The following KIAA0753 variants were observed in gnomAD, a reference collection of about 807,000 sequenced individuals.
KIAA0753 encodes the protein KIAA0753.
KIAA0753 carries 114 observed loss-of-function variants against 116.9 expected under a neutral mutation model. The observed-to-expected ratio is 0.98, with a 90% CI of 0.84 to 1.14. The LOEUF is 1.14. Ranked by LOEUF, KIAA0753 falls within the 50% of genes most tolerant of loss-of-function variation. The pLI, the probability that KIAA0753 is intolerant of heterozygous loss-of-function variation, is 0.00. For synonymous variants in KIAA0753, 405 were observed against 413.1 expected, an observed-to-expected ratio of 0.98 and a Z score of 0.24; for missense variants, 1,156 against 1,172.4, an observed-to-expected ratio of 0.99 and a Z score of 0.20.
intron 7 of KIAA0753, among the ~76,000 whole-genome samples, chr17:6,620,421 CAT>C (rs141663097): frequency 1.3e-5 from 2 of 148,348 alleles, no homozygotes; most frequent in South Asian, 2.1e-4. Context: ...AAAAAAAATA[CAT>C]ATATATATAT....
intron 1 of KIAA0753, 70 bp from the exon 2 acceptor site, chr17:6,635,241 C>T: frequency 1.6e-6 from 1 of 621,444 alleles, no homozygotes; most frequent in South Asian, 2.1e-5. Context: ...AAACACAGTG[C>T]CATGTGCATG....
At position 6,611,955 on chromosome 17, in the gene KIAA0753, A is replaced by G. The variant is rs375398204; in HGVS notation, c.1509T>C (p.Phe503=). Residue 503 remains phenylalanine (F), a synonymous_variant, in exon 8 of 19, where the codon TTT becomes TTC. Transcript: ENST00000361413. ...CTGGCGCCAGAGTATCTTTCTTCCTAAACGGCACATTCTCAGTCACAGGCT... is the reference window on the plus strand; with the variant it reads ...CTGGCGCCAGAGTATCTTTCTTCCTGAACGGCACATTCTCAGTCACAGGCT... ...KKKPVTENVP[F]RKKDTLAPAR... 1.2e-6 allele frequency: 2 copies of G among 1,614,124 alleles called. No individual in the cohort carries two copies. Among genetic ancestry groups the G allele is most frequent in the Non-Finnish European group, 1.7e-6 (2 of 1,180,024 alleles).
In KIAA0753 at chr17:6,622,992, G is replaced by A. The variant is rs767110752; in HGVS notation, c.994C>T (p.Arg332Trp). 1.1e-5 allele frequency: 18 copies of A among 1,614,030 alleles called. No individual in the cohort carries two copies. The highest frequency in any genetic ancestry group is 4.0e-5 in the African/African-American group (3 of 74,928). Residue 332 changes from arginine (R) to tryptophan (W), a missense_variant, in exon 6 of 19, where the codon CGG (arginine) becomes TGG (tryptophan). Transcript: ENST00000361413. The part of the protein sequence containing the change: ...TDRGEHPLPA[R>W]CKELGSLIRQ... ...ATAAGGCTGCCCAGTTCCTTACACCGAGCAGGAAGTGGATGCTCCCCTCGG... is the reference window on the plus strand; with the variant it reads ...ATAAGGCTGCCCAGTTCCTTACACCAAGCAGGAAGTGGATGCTCCCCTCGG...
chr17:6,624,610 T>A, intron 4 of KIAA0753, 145 bp downstream of exon 4: 1 of 591,918 alleles, frequency 1.7e-6, no homozygotes, highest in Non-Finnish European at 3.0e-6. Context: ...TGCCCATGTG[T>A]TCAGGTAATT....
Position 6,622,908 on chromosome 17 carries a change from C to A in KIAA0753, c.1078G>T (p.Val360Phe). ...LDADPSVPDV[V>F]IDILQQIEAL... ...TCAATTTGTTGCAGAATATCTATAA[C>A]CACATCAGGAACAGAAGGGTCTGCA... is the stretch of plus-strand genomic sequence containing the variant. The change falls in exon 6 of 19, where the codon GTT (valine) becomes TTT (phenylalanine). Residue 360 changes from valine (V) to phenylalanine (F), a missense_variant. Coordinates refer to ENST00000361413, the MANE Select transcript of KIAA0753 (RefSeq NM_014804.3). 6.2e-7 allele frequency: 1 copy of A among 1,614,008 alleles called. No individual in the cohort carries two copies. Among genetic ancestry groups the A allele is most frequent in the South Asian group, 1.1e-5 (1 of 91,076 alleles).
At chr17:6,629,136 C>T (rs1011516605) in intron 2 of KIAA0753, among the ~76,000 whole-genome samples, 3 of 152,176 alleles carry the variant, frequency 2.0e-5, no homozygotes, top group East Asian at 1.9e-4. Context: ...ATTTGCTCCA[C>T]GGATAGATCC....
chr17:6,584,766 T>C (rs1479935342), intron 18 of KIAA0753, among the ~76,000 whole-genome samples: 1 of 152,222 alleles, frequency 6.6e-6, no homozygotes, highest in African/African-American at 2.4e-5. Flanking sequence ...TTTATGTACA[T>C]CTTGCATTGG....
intron 7 of KIAA0753, among the ~76,000 whole-genome samples, chr17:6,620,033 T>A (rs1971196819): frequency 6.6e-6 from 1 of 152,206 alleles, no homozygotes; most frequent in Non-Finnish European, 1.5e-5. Flanking sequence ...CAAAATGCAG[T>A]ATCCTAACAT....
chr17:6,595,057 TAA>T lies in KIAA0753; in HGVS notation c.2359-6_2359-5del. On this transcript the variant is annotated splice_region_variant and splice_polypyrimidine_tract_variant and intron_variant, in intron 15 of 18. Transcript: ENST00000361413. ...GACGAACAGACTCCTGGTATTTCTT[TAA>T]AAAAAAAGAAAAAAGTTTAATTTAT... The T allele has an allele frequency of 6.5e-7, 1 of 1,534,630 alleles. No individual in the cohort carries two copies. Among genetic ancestry groups the T allele is most frequent in the Non-Finnish European group, 8.9e-7 (1 of 1,123,080 alleles).
intron 16 of KIAA0753, among the ~76,000 whole-genome samples, chr17:6,591,045 A>AAGG (rs1234574145): frequency 4.5e-5 from 2 of 44,244 alleles, no homozygotes; most frequent in Non-Finnish European, 1.0e-4. Context: ...AAGAAGGAAG[A>AAGG]AGAAGAAGAA....
intron 12 of KIAA0753, among the ~76,000 whole-genome samples, chr17:6,602,677 C>T (rs1036616242): frequency 6.6e-6 from 1 of 152,180 alleles, no homozygotes; most frequent in Admixed American, 6.5e-5. Flanking sequence ...GACAAATTAT[C>T]TATCTTGATT....
chr17:6,610,138 C>A lies in KIAA0753; in HGVS notation c.1568G>T (p.Gly523Val), dbSNP rs999450153. 1 of 1,614,108 alleles carries A rather than the reference C, an allele frequency of 6.2e-7. No individual in the cohort carries two copies. The highest frequency in any genetic ancestry group is 1.7e-5 in the Admixed American group (1 of 60,012). ...TTTACTGTGAGGTTGGCTTTGTCTA[C>A]CTCTTTCAGCTTTGCGGAGTCCCTG... ...RQQGLRKAER[G>V]RQSQPHSKSR... Residue 523 changes from glycine to valine, a missense_variant, in exon 9 of 19, where the codon GGT becomes GTT. By Grantham distance (109) the Gly-to-Val change is moderately radical. Coordinates refer to ENST00000361413, the MANE Select transcript of KIAA0753 (RefSeq NM_014804.3).
At chr17:6,620,698 T>C in intron 7 of KIAA0753, 90 bp downstream of exon 7, 2 of 1,304,728 alleles carry the variant, frequency 1.5e-6, no homozygotes, top group Non-Finnish European at 2.2e-6. Context: ...AGGTCCTAAA[T>C]CCTGACTTTC....
intron 10 of KIAA0753, among the ~76,000 whole-genome samples, chr17:6,608,126 T>C (rs1468886699): frequency 6.6e-6 from 1 of 152,222 alleles, no homozygotes; most frequent in Non-Finnish European, 1.5e-5. Context: ...ACATATATAA[T>C]TTATGAATGA....
chr17:6,633,202 G>A (rs977808058), intron 2 of KIAA0753, among the ~76,000 whole-genome samples: 3 of 152,228 alleles, frequency 2.0e-5, no homozygotes, highest in African/African-American at 7.2e-5. Flanking sequence ...GAGAGAGAAG[G>A]AGGGAATACG....
At chr17:6,634,722 C>A in intron 2 of KIAA0753, 2 of 241,470 alleles carry the variant, frequency 8.3e-6, no homozygotes, top group Admixed American at 4.7e-5. Context: ...TTTTTTGGGT[C>A]CATTTCTTAT....
chr17:6,585,758 T>A (rs1264906432), intron 18 of KIAA0753, among the ~76,000 whole-genome samples: 2 of 152,200 alleles, frequency 1.3e-5, no homozygotes, highest in Admixed American at 1.3e-4. Flanking sequence ...CTGAGAATAT[T>A]AATTCTAGTC....
chr17:6,607,341 ACCAGAAATCAGG>A lies in KIAA0753; in HGVS notation c.1830-83_1830-72del, dbSNP rs1970261460. ...CAGGGTGTCATCATCACAGAAACAGACCAGAAATCAGGACCACTGCAGAGCAGAGCACCAATC... is the reference window on the plus strand; with the variant it reads ...CAGGGTGTCATCATCACAGAAACAGAACCACTGCAGAGCAGAGCACCAATC... On this transcript the variant is annotated intron_variant, in intron 10 of 18. Coordinates refer to ENST00000361413, the MANE Select transcript of KIAA0753 (RefSeq NM_014804.3). 4.0e-6 allele frequency: 5 copies of A among 1,256,746 alleles called. No individual in the cohort carries two copies. In the South Asian group the frequency reaches 4.8e-5, roughly 12 times the overall value. 77.8% of individuals were successfully genotyped at this position (1,256,746 alleles called of 1,614,324 possible). A position where few individuals can be genotyped will look rare whatever the true frequency, so the allele number is the denominator to read the frequency against.
At chr17:6,591,071 G>GAAT (rs1567540958) in intron 16 of KIAA0753, among the ~76,000 whole-genome samples, 2 of 118,050 alleles carry the variant, frequency 1.7e-5, no homozygotes, top group Non-Finnish European at 3.6e-5. Context: ...AGAAGAAGAA[G>GAAT]AAGAAGAAGA....
Sources: gnomAD v4.1 joint callset for allele counts (sites outside exome capture counted in the v4.1 genomes callset) on GRCh38, gnomAD v4.1.1 for gene constraint, MANE v1.5 for transcripts, NCBI Gene and HGNC (gene_info 2026-07-23, HGNC 2026-07-21) for gene names.